The following FAM193A variants were observed in gnomAD, a reference collection of about 807,000 sequenced individuals.
The protein encoded by FAM193A is family with sequence similarity 193 member A, also known as protein FAM193A.
FAM193A carries 22 observed loss-of-function variants against 126.5 expected under a neutral mutation model. The observed-to-expected ratio is 0.17, with a 90% confidence interval of 0.12 to 0.25. FAM193A has a LOEUF of 0.25. Ranked by LOEUF, FAM193A falls within the 10% of genes least tolerant of loss-of-function variation. The pLI is 1.00. For synonymous variants in FAM193A, 761 were observed against 646.8 expected (o/e 1.18, Z -2.68); for missense variants, 1,675 against 1,672.8 (o/e 1.00, Z -0.02).
rs754203067 is a variant in FAM193A at position 2,659,885 on chromosome 4, A to G, written c.1576A>G (p.Ile526Val). ...CATGGACCCCCCCGTCACTGATGACATCCACATTCACCAGCTCCCACTTCA... is the reference window on the plus strand; with the variant it reads ...CATGGACCCCCCCGTCACTGATGACGTCCACATTCACCAGCTCCCACTTCA... ...GIMDPPVTDD[I>V]HIHQLPLQVD... Residue 526 changes from isoleucine to valine, a missense_variant, in exon 10 of 21, where the codon ATC becomes GTC. By Grantham distance (29) the Ile-to-Val change is conservative. This residue lies in a region of FAM193A where 1,186 missense variants were observed against 1,109.2 expected (regional missense o/e 1.07). Coordinates refer to ENST00000637812, the MANE Select transcript of FAM193A (RefSeq NM_001366318.2). 4.3e-6 allele frequency: 7 copies of G among 1,614,048 alleles called. No homozygotes were observed. The Admixed American group carries it at 1.2e-4, about 27-fold the overall frequency.
chr4:2,684,897 C>T (rs562180950), intron 13 of FAM193A, among the ~76,000 whole-genome samples: 2 of 152,298 alleles, frequency 1.3e-5, no homozygotes, highest in South Asian at 2.1e-4. Context: ...GGGGGAAGAA[C>T]GGCCTTCAAG....
intron 4 of FAM193A, among the ~76,000 whole-genome samples, chr4:2,630,094 T>G (rs75130961): frequency 6.7e-6 from 1 of 150,132 alleles, no homozygotes; most frequent in Non-Finnish European, 1.5e-5. Flanking sequence ...ATCACACCAT[T>G]GCACTCCAGC....
rs775699466 is a variant in FAM193A at position 2,663,065 on chromosome 4, ACT to A, written c.1900-41_1900-40del. On this transcript the variant is annotated intron_variant, in intron 11 of 20. Coordinates refer to ENST00000637812, the MANE Select transcript of FAM193A (RefSeq NM_001366318.2). ...GTCTGACATTTTAATATTTTATATT[ACT>A]CTGTTTTGAAAAGTGCAAATTACAA... The A allele has an allele frequency of 1.8e-5, 29 of 1,600,444 alleles. No individual in the cohort carries two copies. In the South Asian group the frequency reaches 3.2e-4, roughly 18 times the overall value.
At chr4:2,573,393 A>AT (rs1387484635) in intron 1 of FAM193A, among the ~76,000 whole-genome samples, 2 of 151,970 alleles carry the variant, frequency 1.3e-5, no homozygotes, top group Non-Finnish European at 2.9e-5. Flanking sequence ...GGCACCTGTA[A>AT]TCCCAGCTAC....
chr4:2,581,780 A>G (rs1239493021), intron 1 of FAM193A, among the ~76,000 whole-genome samples: 2 of 151,864 alleles, frequency 1.3e-5, no homozygotes, highest in African/African-American at 4.8e-5. Flanking sequence ...CAGCCTCCCA[A>G]GTAGCTGGGA....
chr4:2,600,384 C>T (rs1313216019), intron 2 of FAM193A, among the ~76,000 whole-genome samples: 1 of 152,182 alleles, frequency 6.6e-6, no homozygotes, highest in Non-Finnish European at 1.5e-5. Context: ...CCTGTCTCTT[C>T]CCTCCATGTG....
At chr4:2,566,268 C>T (rs989070178) in intron 1 of FAM193A, among the ~76,000 whole-genome samples, 5 of 152,062 alleles carry the variant, frequency 3.3e-5, no homozygotes, top group South Asian at 2.1e-4. Context: ...AGCATGGTCT[C>T]GATCTTCTGA....
chr4:2,703,594 G>C (rs1392993732), intron 19 of FAM193A, among the ~76,000 whole-genome samples: 2 of 152,124 alleles, frequency 1.3e-5, no homozygotes, highest in Non-Finnish European at 2.9e-5. Flanking sequence ...GTAAGTACTT[G>C]TGTGCATATG....
chr4:2,581,255 C>CT (rs34915273), intron 1 of FAM193A, among the ~76,000 whole-genome samples: 34,607 of 135,820 alleles, frequency 0.25, 4,883 homozygotes, highest in Middle Eastern at 0.38. Flanking sequence ...TTCTTTCTTT[C>CT]TTTTTTTTTT....
chr4:2,727,088 G>A (rs1442635945), intron 20 of FAM193A, among the ~76,000 whole-genome samples: 3 of 151,856 alleles, frequency 2.0e-5, no homozygotes, highest in Non-Finnish European at 2.9e-5. Context: ...GTGAAACCCC[G>A]TTTCTACTAA....
intron 19 of FAM193A, among the ~76,000 whole-genome samples, chr4:2,713,551 C>G (rs1292733410): frequency 6.6e-6 from 1 of 152,120 alleles, no homozygotes; most frequent in Admixed American, 6.5e-5. Flanking sequence ...TTAGGGGGTC[C>G]TCTGACACCC....
intron 15 of FAM193A, among the ~76,000 whole-genome samples, chr4:2,692,179 C>G (rs1183918343): frequency 6.6e-6 from 1 of 152,184 alleles, no homozygotes; most frequent in African/African-American, 2.4e-5. Context: ...GTCACAGTTC[C>G]ACATGGCTAG....
intron 6 of FAM193A, among the ~76,000 whole-genome samples, chr4:2,640,329 G>T (rs1040117558): frequency 2.6e-5 from 4 of 152,144 alleles, no homozygotes; most frequent in African/African-American, 9.7e-5. Context: ...CATCCATGTG[G>T]CTTCTTCACG....
chr4:2,728,238 ATTTTTTT>A lies in FAM193A; in HGVS notation c.4455-3518_4455-3512del, dbSNP rs58609064. On this transcript the variant is annotated intron_variant, in intron 20 of 20. Coordinates refer to ENST00000637812, the MANE Select transcript of FAM193A (RefSeq NM_001366318.2). ...GGCGTGAGCTGCCACACCCGGCCCA[ATTTTTTT>A]TTTTTTTTTTTTTTTTTTGGTAGAG... 4.0e-3 allele frequency among the ~76,000 whole-genome samples: 326 copies of A among 82,074 alleles called. 2 individuals are homozygous for A. The East Asian group carries it at 0.05, about 12-fold the overall frequency. 53.8% of individuals were successfully genotyped at this position (82,074 alleles called of 152,430 possible).
chr4:2,628,719 A>T (rs1743225233), intron 4 of FAM193A, among the ~76,000 whole-genome samples: 1 of 152,216 alleles, frequency 6.6e-6, no homozygotes. Context: ...CCATGACTTC[A>T]CAGCTTATTA....
intron 7 of FAM193A, among the ~76,000 whole-genome samples, chr4:2,652,057 A>T (rs921968042): frequency 1.3e-5 from 2 of 152,122 alleles, no homozygotes; most frequent in Non-Finnish European, 2.9e-5. Context: ...CTCAGATTTC[A>T]TTTCAGGGAC....
At chr4:2,622,503 C>G (rs991809820) in intron 2 of FAM193A, among the ~76,000 whole-genome samples, 1 of 143,816 alleles carries the variant, frequency 7.0e-6, no homozygotes, top group Non-Finnish European at 1.5e-5. Flanking sequence ...GCCTGTGGTC[C>G]TAATGGGTGG....
chr4:2,716,302 A>G (rs939183296), intron 20 of FAM193A, among the ~76,000 whole-genome samples, 198 bp downstream of exon 20: 1 of 152,138 alleles, frequency 6.6e-6, no homozygotes, highest in African/African-American at 2.4e-5. Flanking sequence ...CACTCACACA[A>G]TCACTTCTGC....
chr4:2,557,042 A>G (rs1738299497), intron 1 of FAM193A, among the ~76,000 whole-genome samples: 2 of 152,252 alleles, frequency 1.3e-5, no homozygotes, highest in Admixed American at 6.5e-5. Flanking sequence ...CTGAAATTGC[A>G]GATAATACTC....
Sources: allele counts gnomAD v4.1 joint callset (sites outside exome capture counted in the v4.1 genomes callset), GRCh38; gene constraint gnomAD v4.1.1; regional missense constraint gnomAD v4.1.1; transcripts MANE v1.5; gene names NCBI Gene and HGNC (gene_info 2026-07-23, HGNC 2026-07-21).